Variants in SPOCK1 observed in about 807,000 individuals in gnomAD.
SPOCK1 encodes testican-1.
SPOCK1 carries 23 observed loss-of-function variants against 55.3 expected under a neutral mutation model. The observed-to-expected ratio is 0.42, with a 90% CI of 0.30 to 0.59. The LOEUF (loss-of-function observed/expected upper bound fraction) is 0.59. Among genes scored for constraint, SPOCK1 ranks in the 20% least tolerant of loss-of-function variants. SPOCK1 has a pLI of 0.22. For synonymous variants in SPOCK1, 226 were observed against 221.0 expected (o/e 1.02, Z -0.20); for missense variants, 499 against 552.5 (o/e 0.90, Z 0.97).
At chr5:137,063,709 A>C (rs1490859963) in intron 6 of SPOCK1, among the ~76,000 whole-genome samples, 1 of 152,210 alleles carries the variant, frequency 6.6e-6, no homozygotes, top group African/African-American at 2.4e-5. Context: ...CTAGGTTGGG[A>C]AGAGGTGATT....
chr5:137,374,509 C>T (rs1045279923), intron 2 of SPOCK1, among the ~76,000 whole-genome samples: 1 of 152,166 alleles, frequency 6.6e-6, no homozygotes, highest in South Asian at 2.1e-4. Context: ...GGGAGGAGGG[C>T]CTCAGAGGCA....
chr5:137,273,175 G>C (rs956645460), intron 2 of SPOCK1, among the ~76,000 whole-genome samples: 10 of 152,136 alleles, frequency 6.6e-5, no homozygotes. Flanking sequence ...AAAAGATAAA[G>C]CAGCAAATGG....
chr5:137,356,822 TATATATATATATATATAGAGAGAGAGAG>T, intron 2 of SPOCK1, among the ~76,000 whole-genome samples: 1 of 23,256 alleles, frequency 4.3e-5, no homozygotes, highest in Middle Eastern at 0.02. Flanking sequence ...TATATATATA[TATATATATATATATATAGAGAGAGAGAG>T]AGAGAGAGAG....
chr5:137,442,680 C>T (rs939526819), intron 2 of SPOCK1, among the ~76,000 whole-genome samples: 1 of 152,170 alleles, frequency 6.6e-6, no homozygotes, highest in Non-Finnish European at 1.5e-5. Context: ...AAAAACTGAT[C>T]CACCATGTGC....
chr5:137,368,688 G>C (rs913864467), intron 2 of SPOCK1, among the ~76,000 whole-genome samples: 1 of 152,158 alleles, frequency 6.6e-6, no homozygotes, highest in East Asian at 1.9e-4. Flanking sequence ...AGTGTCTTGG[G>C]CTGGCTTTTG....
intron 2 of SPOCK1, among the ~76,000 whole-genome samples, chr5:137,486,698 C>T (rs142209948): frequency 8.3e-4 from 127 of 152,230 alleles, no homozygotes; most frequent in African/African-American, 3.0e-3. Flanking sequence ...TTCCAAAAAA[C>T]ACATGAAAAG....
chr5:137,268,973 C>A (rs528903281), intron 2 of SPOCK1, among the ~76,000 whole-genome samples: 2 of 129,410 alleles, frequency 1.5e-5, no homozygotes, highest in Non-Finnish European at 3.4e-5. Flanking sequence ...AAGGTTTGAG[C>A]AAGTCTCAAG....
At chr5:137,153,414 G>C (rs1754355334) in intron 3 of SPOCK1, among the ~76,000 whole-genome samples, 1 of 152,128 alleles carries the variant, frequency 6.6e-6, no homozygotes. Flanking sequence ...ACTTCAATTT[G>C]TCAATTCAAC....
At position 137,233,158 on chromosome 5, in the gene SPOCK1, G is replaced by A. The variant is rs528195123; in HGVS notation, c.232+33852C>T. ...TTTCCATGGACCAGGGGAGGGGCAG[G>A]CAGGGATGGTTTCAGGATGATTCAA... On this transcript the variant is annotated intron_variant, in intron 3 of 10. Coordinates refer to ENST00000394945, the MANE Select transcript of SPOCK1 (RefSeq NM_004598.4). 2.6e-5 allele frequency among the ~76,000 whole-genome samples: 4 copies of A among 152,318 alleles called. No homozygotes were observed. The South Asian group carries it at 8.3e-4, about 32-fold the overall frequency.
At chr5:137,203,819 T>C (rs943748256) in intron 3 of SPOCK1, among the ~76,000 whole-genome samples, 2 of 152,220 alleles carry the variant, frequency 1.3e-5, no homozygotes, top group African/African-American at 4.8e-5. Flanking sequence ...TCAGGAGCAA[T>C]GTCACTCTTG....
intron 3 of SPOCK1, among the ~76,000 whole-genome samples, chr5:137,199,117 G>A (rs1359935435): frequency 6.6e-6 from 1 of 152,136 alleles, no homozygotes; most frequent in Non-Finnish European, 1.5e-5. Flanking sequence ...TTTTAAGGAG[G>A]AAAAATTCAT....
intron 10 of SPOCK1, among the ~76,000 whole-genome samples, 157 bp from the exon 11 acceptor site, chr5:136,979,001 A>T (rs987128123): frequency 6.6e-6 from 1 of 152,180 alleles, no homozygotes; most frequent in South Asian, 2.1e-4. Context: ...CAGGGCATAC[A>T]TTACAAACTT....
intron 6 of SPOCK1, among the ~76,000 whole-genome samples, chr5:137,032,554 G>A (rs956237082): frequency 2.0e-5 from 3 of 152,188 alleles, no homozygotes; most frequent in Non-Finnish European, 4.4e-5. Flanking sequence ...ACGAGGTAGC[G>A]TAAGTGAATA....
intron 3 of SPOCK1, among the ~76,000 whole-genome samples, chr5:137,182,022 GC>G (rs2127064768): frequency 6.6e-6 from 1 of 152,304 alleles, no homozygotes; most frequent in Admixed American, 6.5e-5. Context: ...GCAGCAGTGG[GC>G]CTAAAGGAGC....
At chr5:137,452,492 G>T (rs1753275569) in intron 2 of SPOCK1, among the ~76,000 whole-genome samples, 1 of 152,138 alleles carries the variant, frequency 6.6e-6, no homozygotes, top group South Asian at 2.1e-4. Context: ...GAAAAAAAGT[G>T]AATCTGATTC....
At chr5:136,996,334 G>A (rs1045739067) in intron 6 of SPOCK1, among the ~76,000 whole-genome samples, 2 of 152,200 alleles carry the variant, frequency 1.3e-5, no homozygotes, top group African/African-American at 4.8e-5. Flanking sequence ...AGGGGTCCTG[G>A]CGAGAGGAGC....
intron 2 of SPOCK1, among the ~76,000 whole-genome samples, chr5:137,324,426 CAGA>C (rs1758036659): frequency 6.6e-6 from 1 of 152,030 alleles, no homozygotes; most frequent in African/African-American, 2.4e-5. Context: ...GCCTGAGTGA[CAGA>C]AGGAGACTCC....
At chr5:137,198,252 G>A (rs572550279) in intron 3 of SPOCK1, among the ~76,000 whole-genome samples, 88 of 152,310 alleles carry the variant, frequency 5.8e-4, no homozygotes, top group African/African-American at 2.0e-3. Flanking sequence ...TATAAATAAT[G>A]CTGCAATGAA....
At chr5:137,140,805 C>A in intron 3 of SPOCK1, 111 bp from the exon 4 acceptor site, 1 of 656,124 alleles carries the variant, frequency 1.5e-6, no homozygotes. Flanking sequence ...GTTGCCCAGA[C>A]TGGTGTGCGG....
Sources: gnomAD v4.1 joint callset for allele counts (sites outside exome capture counted in the v4.1 genomes callset) on GRCh38, gnomAD v4.1.1 for gene constraint, MANE v1.5 for transcripts, NCBI Gene and HGNC (gene_info 2026-07-23, HGNC 2026-07-21) for gene names.